MGAT4C: variants seen among roughly 807,000 people sequenced by gnomAD.
MGAT4C encodes MGAT4 family member C.
A neutral mutation model predicts 40.1 loss-of-function variants in MGAT4C; 19 were observed. The ratio of observed to expected loss-of-function variants is 0.47; its 90% CI spans 0.33 to 0.70. The LOEUF is 0.70. Among genes scored for constraint, MGAT4C ranks in the 30% least tolerant of loss-of-function variants. The probability of loss-of-function intolerance (pLI) is 0.02; values close to 1 mark genes in which losing one functional copy is unlikely to be tolerated. For synonymous variants in MGAT4C, 181 were observed against 187.1 expected, an observed-to-expected ratio of 0.97 and a Z score of 0.27; for missense variants, 491 against 563.2, an observed-to-expected ratio of 0.87 and a Z score of 1.30.
At position 86,800,872 on chromosome 12, in the gene MGAT4C, T is replaced by C. The variant is rs147834847; in HGVS notation, c.-262+37794A>G. On this transcript the variant is annotated intron_variant, in intron 1 of 7. Coordinates refer to the MGAT4C transcript ENST00000548651. The stretch of plus-strand genomic sequence containing the variant: ...TTATCTATATTTGCCTTACCCAATT[T>C]TAGGAAGAAATCCTGCTAAGTCAGT... Among the ~76,000 whole-genome samples the C allele has an allele frequency of 5.9e-5, 9 of 151,996 alleles. No homozygotes were observed. In the East Asian group the frequency reaches 1.8e-3, roughly 30 times the overall value.
chr12:86,464,277 C>A (rs1306874547), intron 2 of MGAT4C, among the ~76,000 whole-genome samples: 3 of 152,150 alleles, frequency 2.0e-5, no homozygotes, highest in Non-Finnish European at 2.9e-5. Flanking sequence ...TCTAAGCAAG[C>A]TCTCTAAAGT....
intron 2 of MGAT4C, among the ~76,000 whole-genome samples, chr12:86,573,158 T>C (rs1196895816): frequency 6.6e-6 from 1 of 152,024 alleles, no homozygotes; most frequent in African/African-American, 2.4e-5. Context: ...TGTTGAAATG[T>C]ATAAAGAAAA....
intron 1 of MGAT4C, among the ~76,000 whole-genome samples, chr12:86,214,493 G>GTT (rs879334659): frequency 2.5e-4 from 38 of 152,286 alleles, no homozygotes; most frequent in Admixed American, 4.6e-4. Context: ...TAGACAGGGT[G>GTT]GCATAACAAT....
intron 1 of MGAT4C, among the ~76,000 whole-genome samples, chr12:86,065,557 T>C (rs1189751547): frequency 1.3e-5 from 2 of 152,142 alleles, no homozygotes; most frequent in African/African-American, 4.8e-5. Flanking sequence ...ATGGAACGTA[T>C]ATCAAAATAA....
chr12:86,774,345 C>CTTTCTTTCTTTCTG (rs1951708548), intron 1 of MGAT4C, among the ~76,000 whole-genome samples: 7 of 14,906 alleles, frequency 4.7e-4, no homozygotes, highest in Non-Finnish European at 8.4e-4. Flanking sequence ...CTTTCTGTCT[C>CTTTCTTTCTTTCTG]TCTCTCTCCC....
At chr12:86,764,705 C>G (rs1195474298) in intron 1 of MGAT4C, among the ~76,000 whole-genome samples, 1 of 152,068 alleles carries the variant, frequency 6.6e-6, no homozygotes, top group Non-Finnish European at 1.5e-5. Flanking sequence ...ATTCGCAGTT[C>G]AGGAAAATCC....
intron 1 of MGAT4C, among the ~76,000 whole-genome samples, chr12:86,128,761 A>G (rs1403853633): frequency 6.6e-6 from 1 of 152,172 alleles, no homozygotes; most frequent in Non-Finnish European, 1.5e-5. Flanking sequence ...ATAAAGTATT[A>G]TGGGTTTTTT....
At chr12:86,787,184 C>T (rs1432547948) in intron 1 of MGAT4C, among the ~76,000 whole-genome samples, 2 of 152,118 alleles carry the variant, frequency 1.3e-5, no homozygotes, top group African/African-American at 4.8e-5. Flanking sequence ...TGAGTCTTCA[C>T]TCTCTATGTT....
chr12:86,408,351 G>A (rs1293485079), intron 3 of MGAT4C, among the ~76,000 whole-genome samples: 1 of 151,026 alleles, frequency 6.6e-6, no homozygotes, highest in Non-Finnish European at 1.5e-5. Flanking sequence ...TTATATATGT[G>A]TTTGAGGAGA....
chr12:86,197,960 T>TA (rs1232349087), intron 1 of MGAT4C, among the ~76,000 whole-genome samples: 4 of 152,064 alleles, frequency 2.6e-5, no homozygotes, highest in African/African-American at 9.7e-5. Context: ...GACCAGAAAT[T>TA]AAAAAAATAT....
At chr12:86,065,458 C>T (rs572842566) in intron 1 of MGAT4C, among the ~76,000 whole-genome samples, 1 of 152,110 alleles carries the variant, frequency 6.6e-6, no homozygotes, top group Admixed American at 6.5e-5. Flanking sequence ...ATGACAAAAA[C>T]CACATGATTA....
At chr12:86,405,484 G>A (rs528920190) in intron 3 of MGAT4C, among the ~76,000 whole-genome samples, 4 of 151,974 alleles carry the variant, frequency 2.6e-5, no homozygotes, top group Non-Finnish European at 4.4e-5. Flanking sequence ...AATAACTGAA[G>A]ATCTAAAAAA....
chr12:86,008,315 C>A (rs997136115), intron 2 of MGAT4C, among the ~76,000 whole-genome samples: 3 of 151,960 alleles, frequency 2.0e-5, no homozygotes, highest in Admixed American at 2.0e-4. Context: ...TTATTCAGGT[C>A]ATCTTTAATT....
At chr12:86,445,418 G>C (rs537665967) in intron 2 of MGAT4C, among the ~76,000 whole-genome samples, 1 of 152,152 alleles carries the variant, frequency 6.6e-6, no homozygotes, top group South Asian at 2.1e-4. Flanking sequence ...TTCAAGATTT[G>C]AGGGAATGTG....
At chr12:86,704,090 G>C (rs1950411685) in intron 2 of MGAT4C, among the ~76,000 whole-genome samples, 1 of 151,992 alleles carries the variant, frequency 6.6e-6, no homozygotes, top group Non-Finnish European at 1.5e-5. Flanking sequence ...AAAATAATAA[G>C]AGCTAATTAT....
chr12:86,780,787 T>C (rs1173419426), intron 1 of MGAT4C, among the ~76,000 whole-genome samples: 2 of 152,184 alleles, frequency 1.3e-5, no homozygotes, highest in Non-Finnish European at 2.9e-5. Flanking sequence ...ATTACATAAT[T>C]TCTCATCCCT....
intron 2 of MGAT4C, among the ~76,000 whole-genome samples, chr12:86,499,511 CA>C (rs1303144923): frequency 1.3e-5 from 2 of 151,600 alleles, no homozygotes; most frequent in Non-Finnish European, 3.0e-5. Flanking sequence ...TGGCTTAAGG[CA>C]AAAACAATTG....
At chr12:86,383,031 C>T (rs1324870727) in intron 3 of MGAT4C, among the ~76,000 whole-genome samples, 2 of 152,190 alleles carry the variant, frequency 1.3e-5, no homozygotes, top group Non-Finnish European at 2.9e-5. Flanking sequence ...AGAAGAGGAC[C>T]ACCATCCTTT....
At chr12:86,022,951 C>T (rs982895165) in intron 2 of MGAT4C, among the ~76,000 whole-genome samples, 1 of 151,798 alleles carries the variant, frequency 6.6e-6, no homozygotes, top group South Asian at 2.1e-4. Context: ...AGGAAAGACC[C>T]GAGGGTAAGA....
Sources: allele counts gnomAD v4.1 joint callset (sites outside exome capture counted in the v4.1 genomes callset), GRCh38; gene constraint gnomAD v4.1.1; transcripts MANE v1.5; gene names NCBI Gene and HGNC (gene_info 2026-07-23, HGNC 2026-07-21).